NCKAP5: variants seen among roughly 807,000 people sequenced by gnomAD.
The protein encoded by NCKAP5 is nck-associated protein 5.
In NCKAP5, 92 loss-of-function variants were observed where a neutral mutation model predicts 167.0. The observed-to-expected ratio is 0.55, with a 90% confidence interval of 0.47 to 0.66. The LOEUF is 0.66. NCKAP5 is among the 30% of genes least tolerant of loss of function. NCKAP5 has a pLI of 0.00. For missense variants in NCKAP5, 2,378 were observed against 2,315.0 expected (o/e 1.03, Z -0.56); for synonymous variants, 891 against 877.4 (o/e 1.02, Z -0.27).
intron 6 of NCKAP5, among the ~76,000 whole-genome samples, chr2:133,055,472 GTATA>G (rs5834343): frequency 0.62 from 91,217 of 147,844 alleles, 29,390 homozygotes; most frequent in East Asian, 0.96. Flanking sequence ...TAGATAAACT[GTATA>G]TATATATATA....
chr2:133,035,759 T>C (rs981023413), intron 6 of NCKAP5, among the ~76,000 whole-genome samples: 4 of 151,652 alleles, frequency 2.6e-5, no homozygotes, highest in Admixed American at 6.6e-5. Flanking sequence ...AAAAATCTAA[T>C]GATGCATCTT....
At chr2:133,548,302 C>A (rs12621520) in intron 2 of NCKAP5, among the ~76,000 whole-genome samples, 26 of 152,064 alleles carry the variant, frequency 1.7e-4, no homozygotes, top group African/African-American at 6.3e-4. Context: ...GGAAAACACT[C>A]TGCAGGATAT....
chr2:133,264,382 C>A (rs2089073381), intron 4 of NCKAP5, among the ~76,000 whole-genome samples: 1 of 152,154 alleles, frequency 6.6e-6, no homozygotes, highest in Non-Finnish European at 1.5e-5. Flanking sequence ...ACTGTAAAGT[C>A]CTAGTCAAAT....
intron 3 of NCKAP5, among the ~76,000 whole-genome samples, chr2:133,304,309 T>C (rs1680618593): frequency 6.6e-6 from 1 of 152,206 alleles, no homozygotes. Context: ...AAAGCCTTTT[T>C]TACCTTCCCA....
At chr2:132,964,034 AT>A (rs2076592930) in intron 7 of NCKAP5, among the ~76,000 whole-genome samples, 165 bp from the exon 8 acceptor site, 1 of 152,104 alleles carries the variant, frequency 6.6e-6, no homozygotes. Context: ...TGAAGTAGAT[AT>A]TTTTACTGAC....
the NCKAP5 span, among the ~76,000 whole-genome samples, chr2:133,669,446 G>T: frequency 6.6e-6 from 1 of 152,086 alleles, no homozygotes; most frequent in Non-Finnish European, 1.5e-5. Flanking sequence ...TGGGGTTTAA[G>T]TGGTTTATTT....
chr2:133,388,083 T>C (rs1029106735), intron 3 of NCKAP5, among the ~76,000 whole-genome samples: 2 of 152,246 alleles, frequency 1.3e-5, no homozygotes, highest in South Asian at 4.1e-4. Context: ...CCATTGCTGG[T>C]GAGGAGCTGT....
intron 19 of NCKAP5, among the ~76,000 whole-genome samples, chr2:132,708,037 C>T (rs942428986): frequency 1.3e-5 from 2 of 152,130 alleles, no homozygotes; most frequent in South Asian, 2.1e-4. Context: ...GCCTCTGGGA[C>T]CTGAAAATGC....
intron 8 of NCKAP5, among the ~76,000 whole-genome samples, chr2:132,922,730 G>A (rs992743147): frequency 6.6e-6 from 1 of 152,198 alleles, no homozygotes; most frequent in African/African-American, 2.4e-5. Flanking sequence ...CAGAAGTATA[G>A]AGAAGTTGAG....
chr2:133,237,428 T>C (rs2087474720), intron 4 of NCKAP5, among the ~76,000 whole-genome samples: 1 of 152,200 alleles, frequency 6.6e-6, no homozygotes, highest in African/African-American at 2.4e-5. Flanking sequence ...TTTTAGAACA[T>C]TGCATTAAAA....
At chr2:133,291,771 C>T (rs919541468) in intron 4 of NCKAP5, among the ~76,000 whole-genome samples, 7 of 152,350 alleles carry the variant, frequency 4.6e-5, no homozygotes, top group East Asian at 1.9e-4. Context: ...TGCGTTCCCA[C>T]GCATGTTCTC....
chr2:133,504,417 T>C (rs1184965491), intron 3 of NCKAP5, among the ~76,000 whole-genome samples: 1 of 51,864 alleles, frequency 1.9e-5, no homozygotes, highest in East Asian at 9.3e-4. Context: ...ACTTTAATTC[T>C]AGAATTTCTG....
At chr2:133,511,136 G>A (rs1328497562) in intron 3 of NCKAP5, among the ~76,000 whole-genome samples, 1 of 152,170 alleles carries the variant, frequency 6.6e-6, no homozygotes, top group Non-Finnish European at 1.5e-5. Context: ...CATGCTCTAT[G>A]TCCACTGCTT....
At chr2:133,273,911 A>C (rs2089620633) in intron 4 of NCKAP5, among the ~76,000 whole-genome samples, 2 of 151,726 alleles carry the variant, frequency 1.3e-5, no homozygotes, top group Admixed American at 1.3e-4. Context: ...AAATAAATTA[A>C]AAAACATTTC....
At chr2:132,897,946 G>A (rs115607781) in intron 8 of NCKAP5, among the ~76,000 whole-genome samples, 2,384 of 152,286 alleles carry the variant, frequency 0.016, 68 homozygotes, top group African/African-American at 0.055. Context: ...TACGGCTGGG[G>A]TGGCTATCGT....
intron 3 of NCKAP5, among the ~76,000 whole-genome samples, chr2:133,329,353 A>T (rs1682675609): frequency 6.6e-6 from 1 of 152,178 alleles, no homozygotes; most frequent in Non-Finnish European, 1.5e-5. Flanking sequence ...AGGGAGTACC[A>T]AGCATGCCTT....
intron 3 of NCKAP5, among the ~76,000 whole-genome samples, chr2:133,337,581 A>T (rs1262693723): frequency 3.9e-5 from 6 of 152,156 alleles, no homozygotes; most frequent in Admixed American, 3.9e-4. Flanking sequence ...ATCCAATATG[A>T]CTGGTATCCT....
At chr2:133,129,843 C>T (rs2082535881) in intron 6 of NCKAP5, 135 bp downstream of exon 6, 3 of 1,045,030 alleles carry the variant, frequency 2.9e-6, no homozygotes, top group Non-Finnish European at 3.9e-6. Context: ...TCAGTCAGAA[C>T]AGAAGGTCTA....
At chr2:133,613,929 G>C in the NCKAP5 span, among the ~76,000 whole-genome samples, 1 of 152,158 alleles carries the variant, frequency 6.6e-6, no homozygotes, top group African/African-American at 2.4e-5. Context: ...TCCTATATGA[G>C]TCGTTGGAGA....
Sources: allele counts gnomAD v4.1 joint callset (sites outside exome capture counted in the v4.1 genomes callset), GRCh38; gene constraint gnomAD v4.1.1; transcripts MANE v1.5; gene names NCBI Gene and HGNC (gene_info 2026-07-23, HGNC 2026-07-21).